Variants in POM121C observed in about 807,000 individuals in gnomAD.
POM121C encodes the protein nuclear envelope pore membrane protein POM 121C.
POM121C carries 20 observed loss-of-function variants against 66.4 expected under a neutral mutation model. That is an observed-to-expected ratio of 0.30 (90% confidence interval 0.21 to 0.44). POM121C has a LOEUF of 0.44. Among genes scored for constraint, POM121C ranks in the 20% least tolerant of loss-of-function variants. The pLI is 1.00. For synonymous variants in POM121C, 286 were observed against 528.0 expected, an observed-to-expected ratio of 0.54 and a Z score of 6.28; for missense variants, 580 against 1,225.7, an observed-to-expected ratio of 0.47 and a Z score of 7.87.
intron 7 of POM121C, among the ~76,000 whole-genome samples, chr7:75,432,435 G>C (rs1193292941): frequency 1.3e-5 from 2 of 152,132 alleles, no homozygotes; most frequent in Non-Finnish European, 2.9e-5. Context: ...CATCTCACAA[G>C]TAAAATGTTA....
intron 5 of POM121C, among the ~76,000 whole-genome samples, chr7:75,439,966 C>T (rs370985204): frequency 9.9e-5 from 15 of 151,106 alleles, no homozygotes; most frequent in East Asian, 6.0e-4. Flanking sequence ...CTGCAACCTC[C>T]GCCTCCTGGG....
chr7:75,417,498 G>A lies in POM121C; in HGVS notation c.*1298C>T, dbSNP rs1484949830. On this transcript the variant is annotated 3_prime_UTR_variant, in exon 15 of 15. Coordinates refer to ENST00000615331, the MANE Select transcript of POM121C (RefSeq NM_001099415.3). ...CACACGCATTCATACTTCTCCCAAA[G>A]AGGTTGGGCGTGACAGCAAGGCGCT... The A allele has an allele frequency of 1.0e-6, 1 of 984,276 alleles. No individual in the cohort carries two copies. The highest frequency in any genetic ancestry group is 1.7e-5 in the African/African-American group (1 of 57,164). The allele number at this position is 984,276 out of a possible 1,614,324, so 61.0% of individuals were successfully genotyped here.
chr7:75,463,093 C>T (rs1341507724), intron 3 of POM121C, among the ~76,000 whole-genome samples: 1 of 152,078 alleles, frequency 6.6e-6, no homozygotes, highest in African/African-American at 2.4e-5. Context: ...GAGGCTGAGG[C>T]GGGTAGATCA....
In POM121C at chr7:75,422,054, C is replaced by A. The variant is rs781809277; in HGVS notation, c.2198G>T (p.Gly733Val). 20 of 1,611,854 alleles carry A rather than the reference C, an allele frequency of 1.2e-5. No individual in the cohort carries two copies. The highest frequency in any genetic ancestry group is 1.7e-5 in the Non-Finnish European group (20 of 1,178,408). ...TPSFGSSFTF[G>V]NSAAPAPATA... is the part of the protein sequence containing the mutation. ...AGCCGGGGCCGGGGCTGCAGAGTTT[C>A]CAAAAGTGAAAGAGCTGCCAAAGCT... Residue 733 changes from glycine (G) to valine (V), a missense_variant, in exon 13 of 15, where the codon GGA (glycine) becomes GTA (valine). By Grantham distance (109) the Gly-to-Val change is moderately radical (BLOSUM62 -3). Transcript: ENST00000615331.
chr7:75,473,572 G>A (rs1791951008), intron 3 of POM121C, among the ~76,000 whole-genome samples: 1 of 152,174 alleles, frequency 6.6e-6, no homozygotes, highest in Admixed American at 6.5e-5. Context: ...CACAAGCTGT[G>A]ACTCAATTCA....
At chr7:75,427,706 T>C (rs1206492163) in intron 7 of POM121C, among the ~76,000 whole-genome samples, 1 of 152,160 alleles carries the variant, frequency 6.6e-6, no homozygotes, top group African/African-American at 2.4e-5. Context: ...TCAGACCGTC[T>C]TTCCTACTTG....
chr7:75,447,712 C>A (rs1313996446), intron 3 of POM121C, among the ~76,000 whole-genome samples: 1 of 151,874 alleles, frequency 6.6e-6, no homozygotes, highest in African/African-American at 2.4e-5. Context: ...CATAGTGAGA[C>A]CCTGTCTCTA....
At chr7:75,446,808 G>C (rs1171691788) in intron 3 of POM121C, among the ~76,000 whole-genome samples, 3 of 151,690 alleles carry the variant, frequency 2.0e-5, no homozygotes, top group Admixed American at 6.6e-5. Flanking sequence ...AGGAGATCGA[G>C]ACCATCCTGG....
At chr7:75,423,777 C>A (rs1452884952) in intron 12 of POM121C, among the ~76,000 whole-genome samples, 10 of 151,738 alleles carry the variant, frequency 6.6e-5, no homozygotes, top group East Asian at 1.9e-4. Flanking sequence ...GGTGCTGCAC[C>A]GGGAAGATCA....
intron 1 of POM121C, among the ~76,000 whole-genome samples, 191 bp downstream of exon 1, chr7:75,485,673 C>G (rs1481190611): frequency 6.6e-6 from 1 of 152,152 alleles, no homozygotes; most frequent in Non-Finnish European, 1.5e-5. Flanking sequence ...TCCACGCCTC[C>G]GTAAGCCTCG....
In POM121C at chr7:75,424,089, C is replaced by G; in HGVS notation, c.1008G>C (p.Leu336Phe). 6.2e-7 allele frequency: 1 copy of G among 1,611,878 alleles called. No homozygotes were observed. The change falls in exon 12 of 15, where the codon TTG (leucine) becomes TTC (phenylalanine). Residue 336 changes from leucine to phenylalanine, a missense_variant. Transcript: ENST00000615331. Reference sequence around the variant, plus strand: ...GGCTCGGGGGAGTCTGCATCTTCTTCAAGCTCTCTAACAGTGGGTTGGTGC... The same window carrying G: ...GGCTCGGGGGAGTCTGCATCTTCTTGAAGCTCTCTAACAGTGGGTTGGTGC... ...APSTNPLLES[L>F]KKMQTPPSLP...
intron 3 of POM121C, among the ~76,000 whole-genome samples, chr7:75,461,502 G>A (rs1326309976): frequency 6.6e-6 from 1 of 152,036 alleles, no homozygotes; most frequent in Non-Finnish European, 1.5e-5. Context: ...TGCAACCTCC[G>A]CCTCCTGGGT....
chr7:75,470,681 G>T (rs1249816468), intron 3 of POM121C, among the ~76,000 whole-genome samples: 3 of 151,018 alleles, frequency 2.0e-5, no homozygotes, highest in Non-Finnish European at 3.0e-5. Context: ...CACCCAGGCT[G>T]GAGTGCAGTG....
intron 13 of POM121C, chr7:75,421,164 C>G (rs1554470548): frequency 4.5e-6 from 2 of 441,936 alleles, no homozygotes; most frequent in African/African-American, 4.1e-5. Context: ...TTAGTAGAGA[C>G]AGGGTTTCGC....
chr7:75,444,354 A>G (rs1790765817), intron 3 of POM121C, among the ~76,000 whole-genome samples: 1 of 149,698 alleles, frequency 6.7e-6, no homozygotes, highest in Admixed American at 6.7e-5. Flanking sequence ...TGGGTTGAAC[A>G]GTGACTGGAA....
intron 11 of POM121C, 87 bp from the exon 12 acceptor site, chr7:75,424,312 T>C: frequency 6.5e-7 from 1 of 1,530,444 alleles, no homozygotes; most frequent in Non-Finnish European, 9.0e-7. Context: ...TCAGCACAGC[T>C]CATGGAGGAA....
In POM121C at chr7:75,425,685, G is replaced by T; in HGVS notation, c.596C>A (p.Ser199Tyr). The T allele has an allele frequency of 6.2e-7, 1 of 1,612,728 alleles. No individual in the cohort carries two copies. The highest frequency in any genetic ancestry group is 8.5e-7 in the Non-Finnish European group (1 of 1,179,420). The change falls in exon 9 of 15, where the codon TCC becomes TAC. Residue 199 changes from serine to tyrosine, a missense_variant. Coordinates refer to ENST00000615331, the MANE Select transcript of POM121C (RefSeq NM_001099415.3). ...TGCTGCCAATGGAGTTGAAGAACTG[G>T]AATGATGACACAGCTCTTCTTCTCT... ...KIREEELCHH[S>Y]SSSTPLAADK...
intron 3 of POM121C, among the ~76,000 whole-genome samples, chr7:75,450,824 T>C (rs1162642852): frequency 1.3e-5 from 2 of 152,196 alleles, no homozygotes; most frequent in African/African-American, 4.8e-5. Context: ...TACCTTGCAA[T>C]ATTCAAATGT....
In POM121C at chr7:75,421,909, A is replaced by G. The variant is rs1347408831; in HGVS notation, c.2343T>C (p.Ala781=). 6.2e-7 allele frequency: 1 copy of G among 1,613,028 alleles called. No homozygotes were observed. The highest frequency in any genetic ancestry group is 8.5e-7 in the Non-Finnish European group (1 of 1,179,716). Residue 781 remains alanine (A), a synonymous_variant, in exon 13 of 15, where the codon GCT becomes GCC. Coordinates refer to ENST00000615331, the MANE Select transcript of POM121C (RefSeq NM_001099415.3). ...AGCTGGCGGGAGCGCCGAAGGCGGAAGCCGTGGCTTTCAATCCAAACGCCG... is the reference window on the plus strand; with the variant it reads ...AGCTGGCGGGAGCGCCGAAGGCGGAGGCCGTGGCTTTCAATCCAAACGCCG... ...THSAFGLKAT[A]SAFGAPASSQ...
Sources: allele counts gnomAD v4.1 joint callset (sites outside exome capture counted in the v4.1 genomes callset), GRCh38; gene constraint gnomAD v4.1.1; transcripts MANE v1.5; gene names NCBI Gene and HGNC (gene_info 2026-07-23, HGNC 2026-07-21).